The following RPTOR variants were observed in gnomAD, a reference collection of about 807,000 sequenced individuals.
The protein encoded by RPTOR is regulatory-associated protein of mTOR.
RPTOR carries 21 observed loss-of-function variants against 169.9 expected under a neutral mutation model. The ratio of observed to expected loss-of-function variants is 0.12; its 90% CI spans 0.09 to 0.18. The LOEUF is 0.18. RPTOR is among the 10% of genes least tolerant of loss of function. The pLI, the probability that RPTOR is intolerant of heterozygous loss-of-function variation, is 1.00. For missense variants in RPTOR, 1,133 were observed against 1,855.9 expected, an observed-to-expected ratio of 0.61 and a Z score of 7.16; for synonymous variants, 732 against 753.2, an observed-to-expected ratio of 0.97 and a Z score of 0.46.
chr17:80,602,781 ATCTC>A (rs1473129798), intron 1 of RPTOR: 2 of 710,932 alleles, frequency 2.8e-6, no homozygotes, highest in African/African-American at 3.5e-5. Context: ...AAATTTCCGA[ATCTC>A]TCTGAGTGCC....
intron 7 of RPTOR, among the ~76,000 whole-genome samples, chr17:80,818,709 G>A (rs1598327640): frequency 1.3e-5 from 2 of 152,192 alleles, no homozygotes; most frequent in South Asian, 4.1e-4. Flanking sequence ...AGATGACTCT[G>A]TCTGGTTTCA....
At chr17:80,785,222 A>G (rs1027397309) in intron 6 of RPTOR, among the ~76,000 whole-genome samples, 2 of 152,224 alleles carry the variant, frequency 1.3e-5, no homozygotes, top group Non-Finnish European at 2.9e-5. Flanking sequence ...TGTCCCGCTC[A>G]TTACAAAGAA....
At chr17:80,880,981 TATTAA>T (rs2068180805) in intron 14 of RPTOR, among the ~76,000 whole-genome samples, 1 of 152,246 alleles carries the variant, frequency 6.6e-6, no homozygotes, top group Admixed American at 6.5e-5. Context: ...TACTTTATTG[TATTAA>T]ATTGTTTGAA....
At chr17:80,931,031 C>T (rs1320306700) in intron 24 of RPTOR, among the ~76,000 whole-genome samples, 1 of 152,142 alleles carries the variant, frequency 6.6e-6, no homozygotes, top group East Asian at 1.9e-4. Context: ...TTATTCTAAC[C>T]GTGCATTCTT....
intron 13 of RPTOR, among the ~76,000 whole-genome samples, chr17:80,874,880 G>A (rs963281590): frequency 7.9e-5 from 12 of 151,348 alleles, no homozygotes; most frequent in South Asian, 4.1e-4. Flanking sequence ...CCAGCACCCC[G>A]CTCATAACAA....
intron 2 of RPTOR, among the ~76,000 whole-genome samples, chr17:80,634,422 T>A (rs1280816863): frequency 2.3e-4 from 28 of 119,606 alleles, no homozygotes; most frequent in Non-Finnish European, 3.3e-4. Flanking sequence ...GTGCATACCG[T>A]GTGTGTGTGC....
chr17:80,770,541 C>T (rs749371799), intron 6 of RPTOR, among the ~76,000 whole-genome samples: 3 of 152,210 alleles, frequency 2.0e-5, no homozygotes, highest in Non-Finnish European at 2.9e-5. Flanking sequence ...CGGTGGCTGT[C>T]GGATGGACAT....
chr17:80,763,165 G>A (rs2066752205), intron 6 of RPTOR, among the ~76,000 whole-genome samples: 1 of 152,076 alleles, frequency 6.6e-6, no homozygotes, highest in South Asian at 2.1e-4. Flanking sequence ...AGGATCAGTT[G>A]AGCCCAGGAG....
chr17:80,572,120 C>G (rs887687882), intron 1 of RPTOR, among the ~76,000 whole-genome samples: 5 of 152,132 alleles, frequency 3.3e-5, no homozygotes, highest in African/African-American at 9.7e-5. Context: ...ATTTTAGAGA[C>G]TGCGTCTCAC....
At chr17:80,834,932 CTT>C (rs1276824208) in intron 9 of RPTOR, among the ~76,000 whole-genome samples, 1 of 152,248 alleles carries the variant, frequency 6.6e-6, no homozygotes, top group East Asian at 1.9e-4. Flanking sequence ...GAAGCAGAAA[CTT>C]TTTATTTGAT....
intron 7 of RPTOR, among the ~76,000 whole-genome samples, chr17:80,809,701 A>G (rs545652842): frequency 6.6e-6 from 1 of 152,182 alleles, no homozygotes; most frequent in African/African-American, 2.4e-5. Context: ...CTATCTATAC[A>G]TTGTGAACAT....
rs779180099 is a variant in RPTOR, at chr17:80,923,537, A to T, written c.2672A>T (p.Asp891Val). 6.2e-7 allele frequency: 1 copy of T among 1,613,290 alleles called. No homozygotes were observed. The highest frequency in any genetic ancestry group is 1.7e-5 in the Admixed American group (1 of 60,014). ...ACCAGCAGCTCCAGCCTGACCAACG[A>T]TGTGGCCAAGCAGCCGGTCAGCCGA... ...SSTSSSSLTN[D>V]VAKQPVSRDL... is the part of the protein sequence containing the mutation. Residue 891 changes from aspartate to valine, a missense_variant, in exon 23 of 34, where the codon GAT becomes GTT. Physicochemically the swap from Asp to Val is radical, Grantham distance 152. Around this residue, in one of 9 missense-constraint regions of RPTOR, gnomAD observed 123 missense variants for 129.0 expected, o/e 0.95. Transcript: ENST00000306801.
chr17:80,644,459 G>C (rs1302718124), intron 3 of RPTOR, among the ~76,000 whole-genome samples: 1 of 151,974 alleles, frequency 6.6e-6, no homozygotes, highest in Non-Finnish European at 1.5e-5. Context: ...TTATTAACTG[G>C]TTTGGAGATT....
chr17:80,557,880 C>G (rs144669103), intron 1 of RPTOR, among the ~76,000 whole-genome samples: 119 of 151,592 alleles, frequency 7.9e-4, no homozygotes, highest in African/African-American at 2.5e-3. Context: ...GAGCCGAGAT[C>G]GTGCCACTGC....
intron 10 of RPTOR, among the ~76,000 whole-genome samples, chr17:80,841,293 T>A (rs79746907): frequency 3.4e-5 from 3 of 89,450 alleles, no homozygotes; most frequent in Admixed American, 1.2e-4. Context: ...GGCAGCTCAC[T>A]CTCACAGCAC....
At chr17:80,939,436 G>A (rs918709553) in intron 24 of RPTOR, among the ~76,000 whole-genome samples, 1 of 152,264 alleles carries the variant, frequency 6.6e-6, no homozygotes, top group East Asian at 1.9e-4. Flanking sequence ...TTTGCTCAGG[G>A]AAGAGAGGGC....
At position 80,844,603 on chromosome 17, in the gene RPTOR, G is replaced by A. The variant is rs944504567; in HGVS notation, c.1213-1870G>A. On this transcript the variant is annotated intron_variant, in intron 10 of 33. Coordinates refer to ENST00000306801, the MANE Select transcript of RPTOR (RefSeq NM_020761.3). This position sits in a 1 kb window ranked among gnomAD's most constrained non-coding sequence, Gnocchi z 4.7. ...GCCAGCTCCACAGGTTGCCCTCCAA[G>A]TGTGATTAACTTTCTGTAAGCTGGC... Among the ~76,000 whole-genome samples the A allele has an allele frequency of 2.0e-5, 3 of 152,242 alleles. No homozygotes were observed. Among genetic ancestry groups the A allele is most frequent in the Non-Finnish European group, 4.4e-5 (3 of 68,040 alleles).
intron 7 of RPTOR, among the ~76,000 whole-genome samples, chr17:80,809,192 T>C (rs1026071436): frequency 1.3e-5 from 2 of 152,238 alleles, no homozygotes; most frequent in Non-Finnish European, 2.9e-5. Flanking sequence ...TTTCGGGGTT[T>C]TTTTTATTTT....
intron 12 of RPTOR, among the ~76,000 whole-genome samples, chr17:80,856,488 A>C (rs2067853482): frequency 6.6e-6 from 1 of 151,992 alleles, no homozygotes; most frequent in Non-Finnish European, 1.5e-5. Flanking sequence ...ATGTTGACAA[A>C]GAGTGGTAAT....
Sources: gnomAD v4.1 joint callset for allele counts (sites outside exome capture counted in the v4.1 genomes callset) on GRCh38, gnomAD v4.1.1 for gene constraint, gnomAD v4.1.1 regional missense constraint, Gnocchi (gnomAD v3.1) non-coding constraint, MANE v1.5 for transcripts, NCBI Gene and HGNC (gene_info 2026-07-23, HGNC 2026-07-21) for gene names.